Variants in TMEM165 observed in about 807,000 individuals in gnomAD.
TMEM165 encodes transmembrane protein 165.
Under a neutral mutation model 30.0 loss-of-function variants are expected in TMEM165, and 19 were observed. The observed-to-expected ratio is 0.63, with a 90% CI of 0.44 to 0.93. The LOEUF (loss-of-function observed/expected upper bound fraction) is 0.93. TMEM165 is among the 40% of genes least tolerant of loss of function. The pLI, the probability that TMEM165 is intolerant of heterozygous loss-of-function variation, is 0.00. For missense variants in TMEM165, 340 were observed against 417.0 expected (o/e 0.82, Z 1.61); for synonymous variants, 168 against 162.9 (o/e 1.03, Z -0.24).
At chr4:55,444,927 C>T in intron 3 of TMEM165, 1 of 885,594 alleles carries the variant, frequency 1.1e-6, no homozygotes, top group East Asian at 2.7e-5. Context: ...GTTTCTAATC[C>T]ACCCATCTTT....
In TMEM165 at chr4:55,425,373, C is replaced by T. The variant is rs1487679142; in HGVS notation, c.899-3C>T. 1 of 1,612,874 alleles carries T rather than the reference C, an allele frequency of 6.2e-7. No homozygotes were observed. The highest frequency in any genetic ancestry group is 2.2e-5 in the East Asian group (1 of 44,836). ...TATTTGACTTTTTTTCTCTCTCTTCCAGTGACAATCATAGGAGGCATCGTT... is the reference window on the plus strand; with the variant it reads ...TATTTGACTTTTTTTCTCTCTCTTCTAGTGACAATCATAGGAGGCATCGTT... On this transcript the variant is annotated splice_region_variant and splice_polypyrimidine_tract_variant and intron_variant, in intron 5 of 5. Transcript: ENST00000381334.
At chr4:55,445,952 C>T (rs1043495719) in intron 3 of TMEM165, among the ~76,000 whole-genome samples, 2 of 151,810 alleles carry the variant, frequency 1.3e-5, no homozygotes, top group Non-Finnish European at 2.9e-5. Flanking sequence ...TCCGTGTTAC[C>T]AGTTAATAAT....
At position 55,396,341 on chromosome 4, in the gene TMEM165, A is replaced by T; in HGVS notation, c.152A>T (p.Gln51Leu). 6.6e-7 allele frequency: 1 copy of T among 1,514,288 alleles called. No individual in the cohort carries two copies. The highest frequency in any genetic ancestry group is 8.8e-7 in the Non-Finnish European group (1 of 1,136,248). 93.8% of individuals were successfully genotyped at this position (1,514,288 alleles called of 1,614,324 possible). A position where few individuals can be genotyped will look rare whatever the true frequency, so the allele number is the denominator to read the frequency against. Residue 51 changes from glutamine to leucine, a missense_variant, in exon 1 of 6, where the codon CAG (glutamine) becomes CTG (leucine). Transcript: ENST00000381334. Reference sequence around the variant, plus strand: ...AACAAAGAACCGCCGGCGCCGGCCCAGCAGCTGCAGCCGCAGCCTGTGGCT... The same window carrying T: ...AACAAAGAACCGCCGGCGCCGGCCCTGCAGCTGCAGCCGCAGCCTGTGGCT... ...HRNKEPPAPAQQLQPQPVAVQ... is the reference protein window; with the variant it reads ...HRNKEPPAPALQLQPQPVAVQ...
intron 1 of TMEM165, among the ~76,000 whole-genome samples, chr4:55,399,753 GTCT>G (rs1288905378): frequency 1.3e-5 from 2 of 151,952 alleles, no homozygotes; most frequent in African/African-American, 4.8e-5. Context: ...TAGAGACAAG[GTCT>G]TCTTATAGCT....
At chr4:55,430,606 C>G (rs552318026), downstream of TMEM165, 3 of 152,214 alleles carry the variant, frequency 2.0e-5, no homozygotes, top group South Asian at 6.2e-4. Context: ...TTCTTTTTCT[C>G]AGTCCTTTTT....
At chr4:55,396,591 G>C (rs931970835) in intron 1 of TMEM165, among the ~76,000 whole-genome samples, 195 bp downstream of exon 1, 1 of 152,216 alleles carries the variant, frequency 6.6e-6, no homozygotes, top group African/African-American at 2.4e-5. Flanking sequence ...TTTAGGGAAA[G>C]GGAGAGGGAG....
chr4:55,452,518 A>G (rs1332183384), exon 4 of TMEM165: 1 of 154,694 alleles, frequency 6.5e-6, no homozygotes, highest in Non-Finnish European at 1.4e-5. Flanking sequence ...CTCTTGACTC[A>G]CCAAACTAGG....
chr4:55,439,023 T>C (rs536282084), intron 3 of TMEM165, among the ~76,000 whole-genome samples: 41 of 152,132 alleles, frequency 2.7e-4, no homozygotes, highest in Non-Finnish European at 5.1e-4. Context: ...CTGTATCAAA[T>C]TAAAAATCTT....
chr4:55,418,023 CGTA>C (rs1201654294), intron 4 of TMEM165, 38 bp downstream of exon 4: 1 of 1,543,828 alleles, frequency 6.5e-7, no homozygotes, highest in African/African-American at 1.4e-5. Context: ...TAAAATGAAA[CGTA>C]ATTATTATTA....
At chr4:55,443,124 C>CT (rs1351328798) in intron 3 of TMEM165, among the ~76,000 whole-genome samples, 3 of 152,132 alleles carry the variant, frequency 2.0e-5, no homozygotes, top group African/African-American at 7.2e-5. Context: ...CAGAAATAGT[C>CT]TAAGTTACAA....
At chr4:55,402,132 G>GA in intron 1 of TMEM165, among the ~76,000 whole-genome samples, 1 of 77,710 alleles carries the variant, frequency 1.3e-5, no homozygotes, top group South Asian at 4.8e-4. Flanking sequence ...AAAAAAAAAA[G>GA]AAACTAAACA....
chr4:55,435,684 C>CA, intron 3 of TMEM165: 1 of 1,337,102 alleles, frequency 7.5e-7, no homozygotes, highest in South Asian at 1.2e-5. Context: ...TCCATAGGGA[C>CA]AAAATCCTTA....
intron 4 of TMEM165, among the ~76,000 whole-genome samples, chr4:55,422,724 C>T (rs1722032992): frequency 6.6e-6 from 1 of 152,102 alleles, no homozygotes; most frequent in Admixed American, 6.5e-5. Context: ...TCTCAGCTCA[C>T]TGCAACCTCA....
At chr4:55,432,946 G>A (rs1161290478) in intron 3 of TMEM165, 1 of 152,626 alleles carries the variant, frequency 6.6e-6, no homozygotes, top group Non-Finnish European at 1.5e-5. Context: ...CTTATGCTTT[G>A]TTGCTGTCAA....
At chr4:55,430,396 A>G (rs1722420359), downstream of TMEM165, 2 of 152,222 alleles carry the variant, frequency 1.3e-5, no homozygotes, top group Non-Finnish European at 1.5e-5. Context: ...ACATAGGGGG[A>G]AAAAACTATG....
At chr4:55,442,705 A>G (rs761963323) in intron 3 of TMEM165, 3 of 1,279,226 alleles carry the variant, frequency 2.3e-6, no homozygotes, top group Non-Finnish European at 3.4e-6. Flanking sequence ...GCTAGAATTC[A>G]TCATTCTAAC....
intron 1 of TMEM165, among the ~76,000 whole-genome samples, chr4:55,407,881 C>A (rs780784511): frequency 1.3e-5 from 2 of 152,200 alleles, no homozygotes. Context: ...ATCCTCACAG[C>A]AACCCTTTGA....
downstream of TMEM165, chr4:55,430,758 C>T (rs536603494): frequency 3.3e-5 from 5 of 152,274 alleles, no homozygotes; most frequent in East Asian, 9.7e-4. Context: ...TAGATTAGTT[C>T]TGTACATCTA....
chr4:55,450,426 A>G (rs970671303), intron 3 of TMEM165, among the ~76,000 whole-genome samples: 2 of 152,212 alleles, frequency 1.3e-5, no homozygotes, highest in African/African-American at 2.4e-5. Context: ...TTTTCTATTT[A>G]AAGAAAGAGA....
Sources: gnomAD v4.1 joint callset for allele counts (sites outside exome capture counted in the v4.1 genomes callset) on GRCh38, gnomAD v4.1.1 for gene constraint, MANE v1.5 for transcripts, NCBI Gene and HGNC (gene_info 2026-07-23, HGNC 2026-07-21) for gene names.